SLCO1B1: variants seen among roughly 807,000 people sequenced by gnomAD.
SLCO1B1 encodes solute carrier organic anion transporter family member 1B1.
In SLCO1B1, 81 loss-of-function variants were observed where a neutral mutation model predicts 70.1. That is an observed-to-expected ratio of 1.16 (90% CI 0.97 to 1.39). The LOEUF is 1.39. Among genes scored for constraint, SLCO1B1 ranks in the 40% most tolerant of loss-of-function variants. SLCO1B1 has a pLI of 0.00. For missense variants in SLCO1B1, 895 were observed against 799.6 expected, an observed-to-expected ratio of 1.12 and a Z score of -1.44; for synonymous variants, 283 against 271.5, an observed-to-expected ratio of 1.04 and a Z score of -0.42.
intron 14 of SLCO1B1, 142 bp from the exon 15 acceptor site, chr12:21,238,837 A>G: frequency 2.1e-6 from 1 of 478,578 alleles, no homozygotes. Context: ...GTTATGCCCC[A>G]ATAAAAAGAA....
intron 14 of SLCO1B1, among the ~76,000 whole-genome samples, chr12:21,236,318 C>T (rs2121212636): frequency 6.6e-6 from 1 of 152,186 alleles, no homozygotes; most frequent in East Asian, 1.9e-4. Context: ...CCACTGACCC[C>T]TGTGCCTACC....
At chr12:21,152,833 T>C (rs1823349984) in intron 2 of SLCO1B1, among the ~76,000 whole-genome samples, 1 of 152,170 alleles carries the variant, frequency 6.6e-6, no homozygotes, top group African/African-American at 2.4e-5. Flanking sequence ...TCTTGTCTCC[T>C]CATGCTACTG....
intron 2 of SLCO1B1, among the ~76,000 whole-genome samples, chr12:21,154,986 T>C (rs1274308568): frequency 6.6e-6 from 1 of 152,090 alleles, no homozygotes; most frequent in African/African-American, 2.4e-5. Context: ...CTGAAAGGCC[T>C]CAATTTTTTT....
intron 12 of SLCO1B1, among the ~76,000 whole-genome samples, chr12:21,219,285 T>C (rs1941395238): frequency 6.6e-6 from 1 of 152,002 alleles, no homozygotes; most frequent in Admixed American, 6.6e-5. Flanking sequence ...AAGACCTGAA[T>C]GAAGAGATAG....
chr12:21,161,499 G>A lies in SLCO1B1; in HGVS notation c.85-11151G>A, dbSNP rs79987787. On this transcript the variant is annotated intron_variant, in intron 2 of 14. Transcript: ENST00000256958. Reference sequence around the variant, plus strand: ...ACAAAAAAGGGAATGACAAACACTGGGGTCTAGCTGAGGTTGGAGGGTGGA... The same window carrying A: ...ACAAAAAAGGGAATGACAAACACTGAGGTCTAGCTGAGGTTGGAGGGTGGA... Among the ~76,000 whole-genome samples the A allele has an allele frequency of 2.6e-3, 391 of 152,110 alleles. 2 individuals are homozygous for A. Among genetic ancestry groups the A allele is most frequent in the African/African-American group, 9.0e-3 (374 of 41,508 alleles).
At chr12:21,147,056 T>C (rs1182919650) in intron 2 of SLCO1B1, among the ~76,000 whole-genome samples, 1 of 152,280 alleles carries the variant, frequency 6.6e-6, no homozygotes, top group Middle Eastern at 3.4e-3. Context: ...TTATTTCTCC[T>C]TGTATTTCTA....
chr12:21,224,037 A>G (rs1020536479), intron 13 of SLCO1B1, among the ~76,000 whole-genome samples: 2 of 152,346 alleles, frequency 1.3e-5, no homozygotes, highest in East Asian at 3.9e-4. Flanking sequence ...AACAAAATTC[A>G]GTACCACAAG....
intron 2 of SLCO1B1, among the ~76,000 whole-genome samples, chr12:21,150,188 C>A (rs574252401): frequency 2.6e-5 from 4 of 152,126 alleles, no homozygotes; most frequent in African/African-American, 9.7e-5. Flanking sequence ...AAGGCAGCAG[C>A]CCCAGTCACG....
At chr12:21,182,537 C>T (rs1291617524) in intron 7 of SLCO1B1, among the ~76,000 whole-genome samples, 3 of 152,126 alleles carry the variant, frequency 2.0e-5, no homozygotes, top group African/African-American at 7.2e-5. Context: ...CCCTTCTGCC[C>T]GCCAGTCCCT....
At chr12:21,228,204 A>G (rs970358876) in intron 14 of SLCO1B1, among the ~76,000 whole-genome samples, 1 of 152,078 alleles carries the variant, frequency 6.6e-6, no homozygotes, top group Non-Finnish European at 1.5e-5. Flanking sequence ...CTTCTGATTA[A>G]AGTCGATTTT....
At chr12:21,165,853 A>G (rs896869802) in intron 2 of SLCO1B1, among the ~76,000 whole-genome samples, 1 of 152,118 alleles carries the variant, frequency 6.6e-6, no homozygotes, top group Admixed American at 6.6e-5. Flanking sequence ...TGAGAAATAA[A>G]TGTTTGTTGT....
chr12:21,132,992 C>T (rs1940164165), intron 1 of SLCO1B1, among the ~76,000 whole-genome samples: 2 of 151,832 alleles, frequency 1.3e-5, no homozygotes, highest in African/African-American at 4.8e-5. Context: ...TTTAATCCAT[C>T]TTGAATTAAT....
chr12:21,215,175 C>T (rs915637870), intron 11 of SLCO1B1, among the ~76,000 whole-genome samples: 2 of 152,180 alleles, frequency 1.3e-5, no homozygotes, highest in African/African-American at 4.8e-5. Flanking sequence ...TTATTTCTGT[C>T]TCTTTCCTGA....
In SLCO1B1 at chr12:21,179,001, T is replaced by C. The variant is rs1940859626; in HGVS notation, c.708T>C (p.Asp236=). Residue 236 remains aspartate, a synonymous_variant, in exon 7 of 15, where the codon GAT becomes GAC. Coordinates refer to ENST00000256958, the MANE Select transcript of SLCO1B1 (RefSeq NM_006446.5). ...CTCTGTTTTCTAAAATGTACGTGGA[T>C]ATTGGATATGTAGATCTAAGTAAGT... ...LGSLFSKMYV[D]IGYVDLSTIR... The C allele has an allele frequency of 1.9e-6, 3 of 1,606,632 alleles. No individual in the cohort carries two copies. Among genetic ancestry groups the C allele is most frequent in the African/African-American group, 2.7e-5 (2 of 74,764 alleles).
intron 1 of SLCO1B1, among the ~76,000 whole-genome samples, chr12:21,139,396 A>C (rs2121035203): frequency 6.6e-6 from 1 of 152,230 alleles, no homozygotes; most frequent in East Asian, 1.9e-4. Flanking sequence ...CACAAAATGT[A>C]ATAATTGGAG....
At chr12:21,226,050 G>A (rs1252401847) in intron 14 of SLCO1B1, among the ~76,000 whole-genome samples, 1 of 152,212 alleles carries the variant, frequency 6.6e-6, no homozygotes. Context: ...ATAAAAAGAA[G>A]TGACCTATCA....
intron 1 of SLCO1B1, among the ~76,000 whole-genome samples, chr12:21,133,826 T>C (rs549722800): frequency 2.6e-5 from 4 of 152,048 alleles, no homozygotes; most frequent in South Asian, 2.1e-4. Context: ...CCCTTTATTT[T>C]CTTCTCCTGC....
rs1941175804 is a variant in SLCO1B1, at chr12:21,203,008, C to T, written c.1331+322C>T. On this transcript the variant is annotated intron_variant, in intron 10 of 14. Coordinates refer to ENST00000256958, the MANE Select transcript of SLCO1B1 (RefSeq NM_006446.5). Reference sequence around the variant, plus strand: ...AGAAATACATGGATTACACAGCTAGCATTATTAAGATTCTAACTCAAATTT... The same window carrying T: ...AGAAATACATGGATTACACAGCTAGTATTATTAAGATTCTAACTCAAATTT... 1.3e-5 allele frequency among the ~76,000 whole-genome samples: 2 copies of T among 151,980 alleles called. 1 individual carries two copies. The highest frequency in any genetic ancestry group is 4.1e-4 in the South Asian group (2 of 4,822).
chr12:21,157,311 G>C (rs528429112), intron 2 of SLCO1B1, among the ~76,000 whole-genome samples: 1 of 151,906 alleles, frequency 6.6e-6, no homozygotes, highest in Non-Finnish European at 1.5e-5. Context: ...GTGTAAAGTA[G>C]AAGAAAAAAG....
Sources: allele counts gnomAD v4.1 joint callset (sites outside exome capture counted in the v4.1 genomes callset), GRCh38; gene constraint gnomAD v4.1.1; transcripts MANE v1.5; gene names NCBI Gene and HGNC (gene_info 2026-07-23, HGNC 2026-07-21).